NOX4: variants seen among roughly 807,000 people sequenced by gnomAD.
The protein encoded by NOX4 is kidney oxidase-1.
In NOX4, 69 loss-of-function variants were observed where a neutral mutation model predicts 87.6. The observed-to-expected ratio is 0.79, with a 90% confidence interval of 0.65 to 0.96. The LOEUF is 0.96. Among genes scored for constraint, NOX4 ranks in the 40% least tolerant of loss-of-function variants. NOX4 has a pLI of 0.00. For missense variants in NOX4, 680 were observed against 681.5 expected (o/e 1.00, Z 0.02); for synonymous variants, 275 against 238.2 (o/e 1.15, Z -1.42).
chr11:89,451,276 G>C (rs1341536259), intron 3 of NOX4, among the ~76,000 whole-genome samples: 1 of 152,164 alleles, frequency 6.6e-6, no homozygotes, highest in Non-Finnish European at 1.5e-5. Flanking sequence ...GTTAAGCAGA[G>C]ATAAGTTGTT....
intron 12 of NOX4, among the ~76,000 whole-genome samples, chr11:89,370,632 T>C (rs1387856812): frequency 2.0e-5 from 3 of 152,042 alleles, no homozygotes; most frequent in African/African-American, 7.2e-5. Flanking sequence ...AAAAGAGAAA[T>C]CTACTTGGGT....
At chr11:89,380,179 A>G (rs1450775563) in intron 11 of NOX4, among the ~76,000 whole-genome samples, 1 of 152,200 alleles carries the variant, frequency 6.6e-6, no homozygotes, top group Admixed American at 6.5e-5. Flanking sequence ...GAGAGGTTGA[A>G]GAAATGAACA....
At chr11:89,343,252 GAA>G (rs980408552) in intron 13 of NOX4, among the ~76,000 whole-genome samples, 2 of 152,172 alleles carry the variant, frequency 1.3e-5, no homozygotes, top group Middle Eastern at 3.4e-3. Flanking sequence ...GGATGCTACA[GAA>G]AAAAAGTGTG....
the NOX4 span, among the ~76,000 whole-genome samples, chr11:89,568,181 G>T: frequency 6.6e-6 from 1 of 152,068 alleles, no homozygotes; most frequent in African/African-American, 2.4e-5. Flanking sequence ...AAGCCACTCA[G>T]CTGAACCCAA....
chr11:89,545,858 C>T, the NOX4 span: 10 of 152,068 alleles, frequency 6.6e-5, no homozygotes, highest in Non-Finnish European at 8.8e-5. Flanking sequence ...CCTCTGACTT[C>T]GGAGTTTGAC....
intron 6 of NOX4, among the ~76,000 whole-genome samples, chr11:89,438,860 ATATAT>A (rs1944291119): frequency 2.3e-5 from 1 of 43,704 alleles, no homozygotes; most frequent in Non-Finnish European, 3.2e-5. Flanking sequence ...ATAATATATT[ATATAT>A]TATATATATA....
intron 13 of NOX4, among the ~76,000 whole-genome samples, chr11:89,351,312 T>C (rs1288670884): frequency 2.0e-5 from 3 of 152,178 alleles, no homozygotes; most frequent in East Asian, 3.9e-4. Context: ...CTAGAAGAAG[T>C]GGTTCATGAG....
chr11:89,459,390 C>A (rs1226536675), intron 2 of NOX4, among the ~76,000 whole-genome samples: 1 of 152,064 alleles, frequency 6.6e-6, no homozygotes. Context: ...ACTAAATCCC[C>A]ATGAAACACA....
At chr11:89,567,004 C>T in the NOX4 span, among the ~76,000 whole-genome samples, 4 of 152,298 alleles carry the variant, frequency 2.6e-5, no homozygotes, top group East Asian at 7.7e-4. Flanking sequence ...AGCATGACTA[C>T]AGTAGAGCAT....
At chr11:89,565,394 T>C in the NOX4 span, among the ~76,000 whole-genome samples, 2 of 152,198 alleles carry the variant, frequency 1.3e-5, no homozygotes, top group Non-Finnish European at 2.9e-5. Context: ...AACTCATCTG[T>C]ACATTCATTG....
At chr11:89,460,438 C>G (rs1945403163) in intron 2 of NOX4, among the ~76,000 whole-genome samples, 1 of 152,242 alleles carries the variant, frequency 6.6e-6, no homozygotes, top group Non-Finnish European at 1.5e-5. Flanking sequence ...TATCCAGAAT[C>G]TACGATGAAC....
intron 8 of NOX4, among the ~76,000 whole-genome samples, chr11:89,405,323 A>G (rs761187549): frequency 3.3e-5 from 5 of 152,064 alleles, no homozygotes; most frequent in Admixed American, 3.3e-4. Context: ...GGCACGTATT[A>G]TTCTAAAATT....
At chr11:89,450,079 G>C (rs778718545) in intron 3 of NOX4, among the ~76,000 whole-genome samples, 1 of 151,996 alleles carries the variant, frequency 6.6e-6, no homozygotes, top group African/African-American at 2.4e-5. Flanking sequence ...TTTCACACTC[G>C]GGGCAAATCT....
chr11:89,422,894 G>A (rs1233391787), intron 7 of NOX4, among the ~76,000 whole-genome samples: 1 of 147,694 alleles, frequency 6.8e-6, no homozygotes, highest in Non-Finnish European at 1.5e-5. Flanking sequence ...CCACCTTCCA[G>A]TTTCAAGTGA....
At chr11:89,361,721 T>C (rs1443798474) in intron 12 of NOX4, among the ~76,000 whole-genome samples, 2 of 152,152 alleles carry the variant, frequency 1.3e-5, no homozygotes, top group African/African-American at 4.8e-5. Flanking sequence ...TTCTGGTTTA[T>C]TCCTGCTGTC....
chr11:89,556,952 T>C, the NOX4 span: 2 of 152,152 alleles, frequency 1.3e-5, no homozygotes, highest in African/African-American at 4.8e-5. Flanking sequence ...AATGAAAATG[T>C]GATGTTGCCA....
At chr11:89,539,431 CA>C in the NOX4 span, among the ~76,000 whole-genome samples, 50 of 148,848 alleles carry the variant, frequency 3.4e-4, no homozygotes, top group Middle Eastern at 6.8e-3. Flanking sequence ...GACTCTGTCT[CA>C]AAAAAAAAAT....
intron 7 of NOX4, among the ~76,000 whole-genome samples, chr11:89,429,931 T>G (rs1943685607): frequency 6.6e-6 from 1 of 152,196 alleles, no homozygotes; most frequent in Non-Finnish European, 1.5e-5. Flanking sequence ...ATATCCTTGA[T>G]GAACATCGAT....
intron 8 of NOX4, among the ~76,000 whole-genome samples, chr11:89,411,763 G>A (rs1942489246): frequency 6.6e-6 from 1 of 151,932 alleles, no homozygotes; most frequent in South Asian, 2.1e-4. Context: ...AGAAAGAGAA[G>A]ACCACAAAAC....
Sources: allele counts gnomAD v4.1 joint callset (sites outside exome capture counted in the v4.1 genomes callset), GRCh38; gene constraint gnomAD v4.1.1; transcripts MANE v1.5; gene names NCBI Gene and HGNC (gene_info 2026-07-23, HGNC 2026-07-21).